C2orf15: variants seen among roughly 807,000 people sequenced by gnomAD.
C2orf15 encodes the protein chromosome 2 open reading frame 15.
A neutral mutation model predicts 4.4 loss-of-function variants in C2orf15; 3 were observed. The observed-to-expected ratio is 0.67, with a 90% CI of 0.31 to 1.74. The LOEUF is 1.74. C2orf15 is among the 40% of genes most tolerant of loss of function. C2orf15 has a pLI of 0.09. For missense variants in C2orf15, 90 were observed against 103.3 expected, an observed-to-expected ratio of 0.87 and a Z score of 0.56; for synonymous variants, 37 against 36.8, an observed-to-expected ratio of 1.00 and a Z score of -0.02.
intron 3 of C2orf15, among the ~76,000 whole-genome samples, chr2:99,149,169 C>CAA (rs35343264): frequency 1.2e-3 from 153 of 123,188 alleles, no homozygotes; most frequent in South Asian, 2.6e-3. Flanking sequence ...AACTCCATCT[C>CAA]AAAAAAAAAA....
intron 3 of C2orf15, among the ~76,000 whole-genome samples, chr2:99,150,006 T>C (rs1468653799): frequency 6.6e-6 from 1 of 151,984 alleles, no homozygotes; most frequent in African/African-American, 2.4e-5. Context: ...TTGGCCAGGC[T>C]GGTCTCTCAA....
intron 2 of C2orf15, among the ~76,000 whole-genome samples, chr2:99,146,149 G>A (rs939501967): frequency 1.3e-5 from 2 of 152,204 alleles, no homozygotes; most frequent in African/African-American, 4.8e-5. Context: ...CGGGCATGGT[G>A]GCAGGTGCCT....
At chr2:99,146,422 G>A (rs2093632554) in intron 2 of C2orf15, among the ~76,000 whole-genome samples, 1 of 151,954 alleles carries the variant, frequency 6.6e-6, no homozygotes, top group African/African-American at 2.4e-5. Flanking sequence ...TCTCCTTCCA[G>A]TCTCTTATCT....
chr2:99,147,993 T>C (rs952722827), intron 3 of C2orf15, among the ~76,000 whole-genome samples: 1 of 152,214 alleles, frequency 6.6e-6, no homozygotes, highest in African/African-American at 2.4e-5. Context: ...AATGTTTCAG[T>C]TATCTAAGTA....
At chr2:99,142,948 C>T (rs2093587490) in intron 2 of C2orf15, among the ~76,000 whole-genome samples, 1 of 151,772 alleles carries the variant, frequency 6.6e-6, no homozygotes, top group Admixed American at 6.6e-5. Context: ...CTAGACGGTA[C>T]TGAAGATTAT....
chr2:99,145,968 C>CA lies in C2orf15; in HGVS notation c.-168-1426dup, dbSNP rs200382670. Among the ~76,000 whole-genome samples, 894 of 151,974 alleles carry CA rather than the reference C, an allele frequency of 5.9e-3. 1 individual carries two copies. The highest frequency in any genetic ancestry group is 9.5e-3 in the Non-Finnish European group (645 of 67,920). ...GCAACACAGTGACACCCTGTCTCTACAAAAAAAATGAATTTTAAAAATTAG... is the reference window on the plus strand; with the variant it reads ...GCAACACAGTGACACCCTGTCTCTACAAAAAAAAATGAATTTTAAAAATTAG... On this transcript the variant is annotated intron_variant, in intron 2 of 3. Transcript: ENST00000650052.
intron 2 of C2orf15, among the ~76,000 whole-genome samples, chr2:99,143,276 G>C (rs987104376): frequency 2.0e-5 from 3 of 150,924 alleles, no homozygotes; most frequent in Non-Finnish European, 4.4e-5. Context: ...CAAGTAGCTA[G>C]GACTACAGGC....
chr2:99,144,083 C>T (rs1281506979), intron 2 of C2orf15, among the ~76,000 whole-genome samples: 1 of 152,016 alleles, frequency 6.6e-6, no homozygotes, highest in Non-Finnish European at 1.5e-5. Context: ...TGCAGTGGCG[C>T]GATCTCCGCT....
At chr2:99,150,340 A>G (rs2093680189) in intron 3 of C2orf15, 143 bp from the exon 4 acceptor site, 1 of 520,046 alleles carries the variant, frequency 1.9e-6, no homozygotes, top group East Asian at 3.1e-5. Flanking sequence ...CCCTCCCACA[A>G]AGAAAATGTA....
At position 99,150,508 on chromosome 2, in the gene C2orf15, C is replaced by A; in HGVS notation, c.-51C>A. The stretch of plus-strand genomic sequence containing the variant: ...TAATCAAGTTGAAGAAACACTTCCA[C>A]TACTTAAAAAGGTACCTGCAAATTA... On this transcript the variant is annotated 5_prime_UTR_variant, in exon 4 of 4. Coordinates refer to ENST00000650052, the MANE Select transcript of C2orf15 (RefSeq NM_144706.4). The A allele has an allele frequency of 6.4e-7, 1 of 1,557,330 alleles. No individual in the cohort carries two copies. The highest frequency in any genetic ancestry group is 1.2e-5 in the South Asian group (1 of 82,194).
In C2orf15 at chr2:99,147,494, G is replaced by A. The variant is rs781672631; in HGVS notation, c.-77+1G>A. ...TGTCCTCAACTCTGGGGAAGTTAAGGTAAGACTCACAGGGCCAAGTCTACC... is the reference window on the plus strand; with the variant it reads ...TGTCCTCAACTCTGGGGAAGTTAAGATAAGACTCACAGGGCCAAGTCTACC... On this transcript the variant is annotated splice_donor_variant, in intron 3 of 3. Coordinates refer to ENST00000650052, the MANE Select transcript of C2orf15 (RefSeq NM_144706.4). LOFTEE classifies it low-confidence loss of function (5UTR_SPLICE). The A allele has an allele frequency of 8.7e-6, 14 of 1,613,868 alleles. No individual in the cohort carries two copies. The South Asian group carries it at 1.4e-4, about 16-fold the overall frequency.
chr2:99,144,044 G>A (rs2093605685), intron 2 of C2orf15, among the ~76,000 whole-genome samples: 1 of 151,292 alleles, frequency 6.6e-6, no homozygotes, highest in Non-Finnish European at 1.5e-5. Flanking sequence ...TTTTTGAGAT[G>A]GAGTCTCGCT....
chr2:99,149,442 C>CTTTT (rs35395900), intron 3 of C2orf15, among the ~76,000 whole-genome samples: 2 of 132,820 alleles, frequency 1.5e-5, no homozygotes, highest in African/African-American at 2.8e-5. Flanking sequence ...ACATGATCAT[C>CTTTT]TTTTTTTTTT....
chr2:99,144,329 G>A (rs2093609883), intron 2 of C2orf15, among the ~76,000 whole-genome samples: 2 of 151,796 alleles, frequency 1.3e-5, no homozygotes, highest in East Asian at 1.9e-4. Context: ...CCTGTGTTCC[G>A]TTTTTTAAAT....
intron 2 of C2orf15, among the ~76,000 whole-genome samples, chr2:99,144,185 T>C (rs1288197896): frequency 6.6e-6 from 1 of 151,776 alleles, no homozygotes; most frequent in East Asian, 1.9e-4. Context: ...CACGCCCGGC[T>C]AATTTTTTTG....
intron 3 of C2orf15, chr2:99,148,288 T>C (rs1005525704): frequency 3.9e-5 from 6 of 152,226 alleles, no homozygotes; most frequent in Non-Finnish European, 8.8e-5. Context: ...TTTTATTCAT[T>C]TGAAGGCAGT....
chr2:99,149,748 C>T (rs2093671299), intron 3 of C2orf15, among the ~76,000 whole-genome samples: 2 of 143,620 alleles, frequency 1.4e-5, no homozygotes, highest in East Asian at 4.3e-4. Context: ...GGCCGATCAT[C>T]TCTTTTTACA....
chr2:99,141,894 AG>A lies in C2orf15; in HGVS notation c.-328del, dbSNP rs1261356758. 2 of 152,450 alleles carry A rather than the reference AG, an allele frequency of 1.3e-5. No individual in the cohort carries two copies. Among genetic ancestry groups the A allele is most frequent in the Non-Finnish European group, 2.9e-5 (2 of 68,120 alleles). 9.4% of individuals were successfully genotyped at this position (152,450 alleles called of 1,614,324 possible). ...CGTTTTAAGAGAGGCTTCCAGGTCC[AG>A]CCCTCCCGCTGCAGCCTGCAGGGAG... On this transcript the variant is annotated 5_prime_UTR_variant, in exon 1 of 4. Transcript: ENST00000650052.
In C2orf15 at chr2:99,147,439, G is replaced by A. The variant is rs2093643606; in HGVS notation, c.-131G>A. 2 of 1,612,890 alleles carry A rather than the reference G, an allele frequency of 1.2e-6. No individual in the cohort carries two copies. Among genetic ancestry groups the A allele is most frequent in the South Asian group, 2.2e-5 (2 of 91,012 alleles). Reference sequence around the variant, plus strand: ...ATGGCAACCTAAATGCCAGTCCAAAGAGGCCCCCAATAGACTTGTTCACCC... The same window carrying A: ...ATGGCAACCTAAATGCCAGTCCAAAAAGGCCCCCAATAGACTTGTTCACCC... On this transcript the variant is annotated 5_prime_UTR_variant, in exon 3 of 4. Coordinates refer to ENST00000650052, the MANE Select transcript of C2orf15 (RefSeq NM_144706.4).
Sources: gnomAD v4.1 joint callset for allele counts (sites outside exome capture counted in the v4.1 genomes callset) on GRCh38, gnomAD v4.1.1 for gene constraint, MANE v1.5 for transcripts, NCBI Gene and HGNC (gene_info 2026-07-23, HGNC 2026-07-21) for gene names.